RAD51B: variants seen among roughly 807,000 people sequenced by gnomAD.
RAD51B encodes the protein DNA repair protein RAD51 homolog 2.
RAD51B carries 38 observed loss-of-function variants against 42.2 expected under a neutral mutation model. The ratio of observed to expected loss-of-function variants is 0.90; its 90% CI spans 0.70 to 1.18. The LOEUF (loss-of-function observed/expected upper bound fraction) is 1.18, where lower values mean the gene tolerates loss of function less well. RAD51B is among the 50% of genes most tolerant of loss of function. The pLI is 0.00. For synonymous variants in RAD51B, 154 were observed against 145.2 expected (o/e 1.06, Z -0.43); for missense variants, 373 against 400.7 (o/e 0.93, Z 0.59).
At chr14:68,486,712 A>C (rs533319057) in intron 10 of RAD51B, among the ~76,000 whole-genome samples, 2 of 152,354 alleles carry the variant, frequency 1.3e-5, no homozygotes, top group African/African-American at 4.8e-5. Context: ...TGTTAAACCC[A>C]ACCAACTAGT....
downstream of RAD51B, among the ~76,000 whole-genome samples, chr14:68,479,918 C>A (rs923720223): frequency 6.6e-6 from 1 of 151,988 alleles, no homozygotes; most frequent in Non-Finnish European, 1.5e-5. Context: ...ATCTTCCAGG[C>A]TCAAGCCACC....
At chr14:68,506,772 T>C (rs1242258179) in intron 10 of RAD51B, among the ~76,000 whole-genome samples, 1 of 152,044 alleles carries the variant, frequency 6.6e-6, no homozygotes, top group Non-Finnish European at 1.5e-5. Context: ...GCACATCTCA[T>C]TGTTGATATG....
intron 7 of RAD51B, among the ~76,000 whole-genome samples, chr14:68,052,634 T>G (rs1324363071): frequency 6.6e-6 from 1 of 151,982 alleles, no homozygotes; most frequent in African/African-American, 2.4e-5. Context: ...TCTTCTTTTT[T>G]TTTTTGGATG....
At chr14:67,939,708 G>A (rs917528510) in intron 7 of RAD51B, among the ~76,000 whole-genome samples, 2 of 151,868 alleles carry the variant, frequency 1.3e-5, no homozygotes, top group African/African-American at 2.4e-5. Context: ...AGCATGGTTG[G>A]GTGCCCTCTT....
intron 7 of RAD51B, among the ~76,000 whole-genome samples, chr14:68,145,152 A>C (rs1030553317): frequency 6.6e-6 from 1 of 152,262 alleles, no homozygotes; most frequent in Non-Finnish European, 1.5e-5. Flanking sequence ...TGCAGAAGGA[A>C]CATGATTAGA....
chr14:68,072,687 C>G (rs1211697337), intron 7 of RAD51B, among the ~76,000 whole-genome samples: 2 of 152,194 alleles, frequency 1.3e-5, no homozygotes, highest in African/African-American at 4.8e-5. Flanking sequence ...AAACTTTCCT[C>G]TTAATACTGC....
intron 9 of RAD51B, among the ~76,000 whole-genome samples, chr14:68,436,487 T>C (rs1020645696): frequency 6.6e-6 from 1 of 152,210 alleles, no homozygotes; most frequent in South Asian, 2.1e-4. Flanking sequence ...TGCTTAGGAT[T>C]GCTTTGTCTA....
intron 8 of RAD51B, among the ~76,000 whole-genome samples, chr14:68,322,985 A>G (rs976305342): frequency 6.6e-6 from 1 of 152,224 alleles, no homozygotes; most frequent in African/African-American, 2.4e-5. Context: ...TGACCAGTAG[A>G]TTCGTGACTA....
intron 7 of RAD51B, among the ~76,000 whole-genome samples, chr14:67,996,682 A>G (rs1000764994): frequency 6.6e-6 from 1 of 152,166 alleles, no homozygotes; most frequent in Non-Finnish European, 1.5e-5. Flanking sequence ...TGGTCTGCTT[A>G]TGTAGGGGTT....
intron 7 of RAD51B, among the ~76,000 whole-genome samples, chr14:67,988,436 G>A (rs1314363166): frequency 6.6e-6 from 1 of 151,888 alleles, no homozygotes; most frequent in African/African-American, 2.4e-5. Context: ...TGCAGCCTAG[G>A]CAACAGAACA....
chr14:68,059,542 AT>A lies in RAD51B; in HGVS notation c.756+172341del, dbSNP rs1049943097. On this transcript the variant is annotated intron_variant, in intron 7 of 10. Coordinates refer to ENST00000471583, the MANE Select transcript of RAD51B (RefSeq NM_133510.4). ...CCTGCGTAATCCCTTTGCTTTTGTT[AT>A]TTGTAACATATGCCCGTAATATTCC... Among the ~76,000 whole-genome samples the A allele has an allele frequency of 1.2e-4, 18 of 151,972 alleles. 1 individual carries two copies. The highest frequency in any genetic ancestry group is 1.5e-5 in the Non-Finnish European group (1 of 67,978).
rs144359558 is a variant in RAD51B, at chr14:67,839,442, G to A, written c.315+4246G>A. Reference sequence around the variant, plus strand: ...TTAGGAATTTGTCCATTTTCTTTATGTTTTCAAATTTATTATAATAAAGTT... The same window carrying A: ...TTAGGAATTTGTCCATTTTCTTTATATTTTCAAATTTATTATAATAAAGTT... On this transcript the variant is annotated intron_variant, in intron 4 of 10. Coordinates refer to ENST00000471583, the MANE Select transcript of RAD51B (RefSeq NM_133510.4). Among the ~76,000 whole-genome samples, 1,107 of 151,888 alleles carry A rather than the reference G, an allele frequency of 7.3e-3. 15 individuals are homozygous for A. The highest frequency in any genetic ancestry group is 0.026 in the African/African-American group (1,061 of 41,462).
intron 7 of RAD51B, among the ~76,000 whole-genome samples, chr14:68,117,124 C>A (rs1450076766): frequency 6.6e-6 from 1 of 152,054 alleles, no homozygotes; most frequent in Non-Finnish European, 1.5e-5. Flanking sequence ...AGAGCGTGCT[C>A]CTGCATTAGG....
At chr14:68,389,894 A>C (rs777826081) in intron 8 of RAD51B, among the ~76,000 whole-genome samples, 1 of 152,216 alleles carries the variant, frequency 6.6e-6, no homozygotes, top group Non-Finnish European at 1.5e-5. Flanking sequence ...TTGTTTCTCA[A>C]TGAATCTTCT....
chr14:67,890,548 T>G (rs939842072), intron 7 of RAD51B, among the ~76,000 whole-genome samples: 1 of 151,816 alleles, frequency 6.6e-6, no homozygotes, highest in Non-Finnish European at 1.5e-5. Context: ...GCCATGCTGG[T>G]GCGCTGCACC....
intron 7 of RAD51B, among the ~76,000 whole-genome samples, chr14:68,051,937 A>G (rs1283707579): frequency 6.6e-6 from 1 of 152,018 alleles, no homozygotes; most frequent in Admixed American, 6.6e-5. Flanking sequence ...AAAGAGGTCA[A>G]CTTACTAGCT....
intron 10 of RAD51B, among the ~76,000 whole-genome samples, chr14:68,550,424 C>A (rs1244982312): frequency 1.3e-5 from 2 of 152,210 alleles, no homozygotes; most frequent in Non-Finnish European, 2.9e-5. Context: ...GTCTGAAGAA[C>A]CTCAGGTATG....
intron 8 of RAD51B, among the ~76,000 whole-genome samples, chr14:68,387,645 C>A (rs1393044180): frequency 6.6e-6 from 1 of 152,142 alleles, no homozygotes; most frequent in Non-Finnish European, 1.5e-5. Context: ...AGGATACTGG[C>A]ATATCTATAG....
At chr14:68,066,048 ATATT>A (rs1374751332) in intron 7 of RAD51B, among the ~76,000 whole-genome samples, 13 of 152,024 alleles carry the variant, frequency 8.6e-5, no homozygotes, top group Admixed American at 2.6e-4. Flanking sequence ...ATCTGCAAAT[ATATT>A]TATTGCATTA....
Sources: allele counts gnomAD v4.1 joint callset (sites outside exome capture counted in the v4.1 genomes callset), GRCh38; gene constraint gnomAD v4.1.1; transcripts MANE v1.5; gene names NCBI Gene and HGNC (gene_info 2026-07-23, HGNC 2026-07-21).